Variants in GNPTG observed in about 807,000 individuals in gnomAD.
The protein encoded by GNPTG is N-acetylglucosamine-1-phosphate transferase subunit gamma.
Under a neutral mutation model 43.8 loss-of-function variants are expected in GNPTG, and 46 were observed. The ratio of observed to expected loss-of-function variants is 1.05; its 90% CI spans 0.83 to 1.34. The LOEUF is 1.34. Among genes scored for constraint, GNPTG ranks in the 40% most tolerant of loss-of-function variants. The probability of loss-of-function intolerance (pLI) is 0.00; values close to 1 mark genes in which losing one functional copy is unlikely to be tolerated. For missense variants in GNPTG, 549 were observed against 411.3 expected (o/e 1.33, Z -2.90); for synonymous variants, 250 against 172.8 (o/e 1.45, Z -3.50).
In GNPTG at chr16:1,358,719, G is replaced by C. The variant is rs150274540; in HGVS notation, c.179-3024G>C. Among the ~76,000 whole-genome samples the C allele has an allele frequency of 7.4e-4, 112 of 152,218 alleles. 1 individual carries two copies. The highest frequency in any genetic ancestry group is 2.6e-3 in the African/African-American group (106 of 41,556). On this transcript the variant is annotated intron_variant, in intron 3 of 10. Transcript: ENST00000204679. ...CCCATTCCAGCCAGCATTGCACGAG[G>C]GGTCCAGTTTCTCCACATTTTCACC... is the stretch of plus-strand genomic sequence containing the variant.
In GNPTG at chr16:1,352,117, G is replaced by T. The variant is rs1292646697; in HGVS notation, c.68G>T (p.Gly23Val). ...GLSAGGPAPAGAAKMKVVEEP... is the reference protein window; with the variant it reads ...GLSAGGPAPAVAAKMKVVEEP... ...CTCCCCGTAGGGCCCGCGCCGGCAG[G>T]TGCAGCGAAGATGAAGGTGGTGGAG... Residue 23 changes from glycine to valine, a missense_variant, in exon 2 of 11, where the codon GGT (glycine) becomes GTT (valine). Gly to Val is a moderately radical substitution (Grantham distance 109). Transcript: ENST00000204679. 6.3e-7 allele frequency: 1 copy of T among 1,580,310 alleles called. No individual in the cohort carries two copies. Among genetic ancestry groups the T allele is most frequent in the South Asian group, 1.2e-5 (1 of 86,710 alleles).
intron 3 of GNPTG, 196 bp downstream of exon 3, chr16:1,352,502 C>A: frequency 1.5e-6 from 1 of 646,782 alleles, no homozygotes; most frequent in Non-Finnish European, 2.7e-6. Context: ...CAGACTTAGT[C>A]CTTCCTTTCC....
rs2034885985 is a variant in GNPTG, at chr16:1,361,797, C to CGTGAGTGCAGG, written c.233+4_233+14dup. The CGTGAGTGCAGG allele has an allele frequency of 1.9e-6, 3 of 1,583,518 alleles. No homozygotes were observed. Among genetic ancestry groups the CGTGAGTGCAGG allele is most frequent in the Middle Eastern group, 3.3e-4 (2 of 6,000 alleles). On this transcript the variant is annotated stop_gained and frameshift_variant and splice_region_variant. Transcript: ENST00000204679. LOFTEE classifies it high-confidence loss of function. ...AAGTGCTTCAGCCTGGTGGAGTCCA[C>CGTGAGTGCAGG]GTGAGTGCAGGGTGGGTGCGAGGGT... is the stretch of plus-strand genomic sequence containing the variant.
chr16:1,353,842 A>C (rs1422629881), intron 3 of GNPTG, among the ~76,000 whole-genome samples: 1 of 152,206 alleles, frequency 6.6e-6, no homozygotes, highest in Non-Finnish European at 1.5e-5. Context: ...GCCAAAAGCT[A>C]AAGGAGAAAA....
intron 3 of GNPTG, among the ~76,000 whole-genome samples, chr16:1,358,711 T>A (rs551155014): frequency 2.0e-5 from 3 of 152,246 alleles, no homozygotes; most frequent in African/African-American, 7.2e-5. Flanking sequence ...CAGCCAGCAT[T>A]GCACGAGGGG....
At chr16:1,362,359 C>CCGCGCACGCAGCCCTGCTGGAGG in intron 7 of GNPTG, 39 bp downstream of exon 7, 1 of 1,608,652 alleles carries the variant, frequency 6.2e-7, no homozygotes, top group Non-Finnish European at 8.5e-7. Context: ...GTGGGGTCAG[C>CCGCGCACGCAGCCCTGCTGGAGG]CGCGCACGCA....
intron 3 of GNPTG, among the ~76,000 whole-genome samples, chr16:1,352,674 A>C (rs1438097979): frequency 1.4e-5 from 2 of 148,110 alleles, no homozygotes; most frequent in African/African-American, 5.0e-5. Context: ...TGTCGTTGTC[A>C]CTCGCTGTAT....
rs1361130950 is a variant in GNPTG at position 1,363,215 on chromosome 16, G to C, written c.*124G>C. 6.2e-6 allele frequency: 5 copies of C among 807,030 alleles called. No homozygotes were observed. The highest frequency in any genetic ancestry group is 1.0e-5 in the Non-Finnish European group (5 of 481,750). The allele number at this position is 807,030 out of a possible 1,614,324, so 50.0% of individuals were successfully genotyped here. ...AGAAGCAGACAAAACAAAGATTCAA[G>C]GTTTTAATTAATTCCCATACTGATA... On this transcript the variant is annotated 3_prime_UTR_variant, in exon 11 of 11. Transcript: ENST00000204679.
In GNPTG at chr16:1,358,766, C is replaced by T. The variant is rs1357941154; in HGVS notation, c.179-2977C>T. The T allele has an allele frequency of 3.3e-5, 5 of 152,172 alleles. No individual in the cohort carries two copies. In the East Asian group the frequency reaches 9.6e-4, roughly 29 times the overall value. 9.4% of individuals were successfully genotyped at this position (152,172 alleles called of 1,614,324 possible). A position where few individuals can be genotyped will look rare whatever the true frequency, so the allele number is the denominator to read the frequency against. On this transcript the variant is annotated intron_variant, in intron 3 of 10. Transcript: ENST00000204679. ...CACCAACACTGTTTTTTGCTAACAG[C>T]CATCCTAGTGGGTGTGAAGCGGTAC...
chr16:1,353,597 C>T (rs4984818), intron 3 of GNPTG, among the ~76,000 whole-genome samples: 133,942 of 152,158 alleles, frequency 0.88, 59,080 homozygotes, highest in East Asian at 1. Context: ...AATCATAGCT[C>T]ACTGCATCCT....
At chr16:1,353,994 C>T (rs565710193) in intron 3 of GNPTG, among the ~76,000 whole-genome samples, 8 of 152,258 alleles carry the variant, frequency 5.3e-5, no homozygotes, top group South Asian at 2.1e-4. Flanking sequence ...GGTGCCGCAC[C>T]GTGTTGGTAG....
chr16:1,351,959 C>T lies in GNPTG; in HGVS notation c.-7C>T. 7.7e-7 allele frequency: 1 copy of T among 1,293,680 alleles called. No homozygotes were observed. Among genetic ancestry groups the T allele is most frequent in the Non-Finnish European group, 9.7e-7 (1 of 1,026,218 alleles). 80.1% of individuals were successfully genotyped at this position (1,293,680 alleles called of 1,614,324 possible). ...TCACGTGACCGCGCGGCGGCCGCTG[C>T]GGCGCGATGGCGGCGGGGCTGGCGC... is the stretch of plus-strand genomic sequence containing the variant. On this transcript the variant is annotated 5_prime_UTR_variant, in exon 1 of 11. Coordinates refer to ENST00000204679, the MANE Select transcript of GNPTG (RefSeq NM_032520.5).
At chr16:1,352,358 A>C in intron 3 of GNPTG, 52 bp downstream of exon 3, 1 of 1,515,954 alleles carries the variant, frequency 6.6e-7, no homozygotes, top group Non-Finnish European at 8.9e-7. Context: ...GGGAGCAGCA[A>C]CAGTGGAGGA....
intron 3 of GNPTG, chr16:1,358,403 GCA>G (rs1039699538): frequency 8.5e-5 from 13 of 152,138 alleles, no homozygotes; most frequent in South Asian, 6.4e-4. Flanking sequence ...ACTCCTCTTG[GCA>G]CAGTGTCCCC....
At chr16:1,359,496 C>G (rs1256944830) in intron 3 of GNPTG, among the ~76,000 whole-genome samples, 1 of 152,060 alleles carries the variant, frequency 6.6e-6, no homozygotes, top group African/African-American at 2.4e-5. Context: ...TCTCGATCTC[C>G]TGACTTCGTG....
intron 3 of GNPTG, among the ~76,000 whole-genome samples, chr16:1,357,483 T>TTTATTATTA (rs113850025): frequency 0.027 from 4,123 of 150,572 alleles, 71 homozygotes; most frequent in Non-Finnish European, 0.041. Context: ...GTATTTCGAC[T>TTTATTATTA]TTATTATTAT....
At chr16:1,358,047 G>T (rs2034810203) in intron 3 of GNPTG, among the ~76,000 whole-genome samples, 1 of 151,894 alleles carries the variant, frequency 6.6e-6, no homozygotes, top group Non-Finnish European at 1.5e-5. Context: ...CCCCAGCCAG[G>T]TCCCGACTCC....
In GNPTG at chr16:1,362,033, C is replaced by T. The variant is rs1038742616; in HGVS notation, c.318-5C>T. The T allele has an allele frequency of 2.5e-6, 4 of 1,612,728 alleles. No individual in the cohort carries two copies. The highest frequency in any genetic ancestry group is 3.4e-6 in the Non-Finnish European group (4 of 1,179,728). On this transcript the variant is annotated splice_region_variant and splice_polypyrimidine_tract_variant and intron_variant, in intron 5 of 10. Coordinates refer to ENST00000204679, the MANE Select transcript of GNPTG (RefSeq NM_032520.5). The stretch of plus-strand genomic sequence containing the variant: ...GCCTCACGTGCCGTGCCCGTGTCTC[C>T]CCAGCATCTGGCACGAGTGGGAGAT...
In GNPTG at chr16:1,362,692, G is replaced by A. The variant is rs771844889; in HGVS notation, c.691G>A (p.Glu231Lys). ...TPEENEPTQL[E>K]GGPDSLGFET... is the part of the protein sequence containing the mutation. ...AGAAGAAAATGAACCCACCCAGCTG[G>A]AGGGAGGTCCTGACAGCTTGGGGTT... Residue 231 changes from glutamate (E) to lysine (K), a missense_variant, in exon 9 of 11, where the codon GAG becomes AAG. By Grantham distance (56) the Glu-to-Lys change is moderately conservative (BLOSUM62 1). Coordinates refer to ENST00000204679, the MANE Select transcript of GNPTG (RefSeq NM_032520.5). 6.2e-7 allele frequency: 1 copy of A among 1,613,988 alleles called. No homozygotes were observed. The highest frequency in any genetic ancestry group is 1.3e-5 in the African/African-American group (1 of 74,942).
Sources: allele counts gnomAD v4.1 joint callset (sites outside exome capture counted in the v4.1 genomes callset), GRCh38; gene constraint gnomAD v4.1.1; transcripts MANE v1.5; gene names NCBI Gene and HGNC (gene_info 2026-07-23, HGNC 2026-07-21).